SRGAP1: variants seen among roughly 807,000 people sequenced by gnomAD.
The protein encoded by SRGAP1 is SLIT-ROBO Rho GTPase-activating protein 1.
In SRGAP1, 43 loss-of-function variants were observed where a neutral mutation model predicts 121.9. The observed-to-expected ratio is 0.35, with a 90% CI of 0.28 to 0.46. The LOEUF (loss-of-function observed/expected upper bound fraction) is 0.46. Ranked by LOEUF, SRGAP1 falls within the 20% of genes least tolerant of loss-of-function variation. SRGAP1 has a pLI of 1.00. For synonymous variants in SRGAP1, 447 were observed against 485.4 expected, an observed-to-expected ratio of 0.92 and a Z score of 1.04; for missense variants, 1,102 against 1,350.9, an observed-to-expected ratio of 0.82 and a Z score of 2.89.
At chr12:64,032,448 G>A (rs1354852771) in intron 4 of SRGAP1, 3 of 733,820 alleles carry the variant, frequency 4.1e-6, no homozygotes, top group Non-Finnish European at 7.3e-6. Context: ...TCCTGAGTTT[G>A]CCCCACCATT....
chr12:63,944,364 A>G (rs971603385), intron 1 of SRGAP1, among the ~76,000 whole-genome samples: 4 of 152,140 alleles, frequency 2.6e-5, no homozygotes, highest in Admixed American at 1.3e-4. Context: ...AGGCAGATTC[A>G]ATGTCTACTA....
intron 1 of SRGAP1, among the ~76,000 whole-genome samples, chr12:63,913,454 C>CATATATATATATATATATATATATAT (rs570506869): frequency 5.6e-5 from 7 of 124,094 alleles, no homozygotes; most frequent in South Asian, 2.8e-4. Flanking sequence ...ACTGTGTCCA[C>CATATATATATATATATATATATATAT]ATATATATAT....
chr12:64,050,027 G>A (rs1325312744), intron 6 of SRGAP1, among the ~76,000 whole-genome samples: 1 of 152,082 alleles, frequency 6.6e-6, no homozygotes, highest in Non-Finnish European at 1.5e-5. Flanking sequence ...CCATGAACAT[G>A]GAATATCTTT....
chr12:63,951,650 TAAAGAG>T (rs2032301482), intron 1 of SRGAP1, among the ~76,000 whole-genome samples: 1 of 152,202 alleles, frequency 6.6e-6, no homozygotes. Flanking sequence ...AGATTAAACT[TAAAGAG>T]AAGGCTTCTT....
At chr12:64,046,654 G>T (rs188890357) in intron 6 of SRGAP1, among the ~76,000 whole-genome samples, 1 of 152,122 alleles carries the variant, frequency 6.6e-6, no homozygotes, top group Non-Finnish European at 1.5e-5. Flanking sequence ...GGCCCCAGGG[G>T]AGAAGCAGGC....
chr12:64,123,643 GATTTATTTATTT>G (rs140354888), intron 18 of SRGAP1, among the ~76,000 whole-genome samples: 221 of 141,262 alleles, frequency 1.6e-3, no homozygotes, highest in African/African-American at 3.7e-3. Flanking sequence ...ATTGCTAAAG[GATTTATTTATTT>G]ATTTATTTAT....
chr12:63,954,404 C>T (rs756366912), intron 1 of SRGAP1, among the ~76,000 whole-genome samples: 4 of 152,106 alleles, frequency 2.6e-5, no homozygotes, highest in Admixed American at 6.6e-5. Flanking sequence ...AAGCACTGGG[C>T]GCCATGGCTC....
At chr12:64,118,629 T>C (rs12423995) in intron 18 of SRGAP1, among the ~76,000 whole-genome samples, 5,783 of 152,244 alleles carry the variant, frequency 0.038, 151 homozygotes, top group Non-Finnish European at 0.059. Flanking sequence ...TATGTGGTTT[T>C]GATTTGCATT....
chr12:64,029,064 A>G (rs1398072478), intron 4 of SRGAP1, among the ~76,000 whole-genome samples: 2 of 152,200 alleles, frequency 1.3e-5, no homozygotes, highest in Non-Finnish European at 2.9e-5. Context: ...CTAGTATTTG[A>G]ACCCAAGCAT....
Position 64,142,790 on chromosome 12 carries a change from CT to C in SRGAP1, c.*122del, listed in dbSNP as rs2036988000. The C allele has an allele frequency of 2.2e-6, 3 of 1,384,462 alleles. No homozygotes were observed. Among genetic ancestry groups the C allele is most frequent in the East Asian group, 2.4e-5 (1 of 41,900 alleles). The allele number at this position is 1,384,462 out of a possible 1,614,324, so 85.8% of individuals were successfully genotyped here. A position where few individuals can be genotyped will look rare whatever the true frequency, so the allele number is the denominator to read the frequency against. On this transcript the variant is annotated 3_prime_UTR_variant, in exon 22 of 22. Transcript: ENST00000355086. ...GTGCTTATAACTGGAGATCTTTTGG[CT>C]TTTCTATGTTGTCGAATGTAATGTC...
At chr12:63,963,948 GT>G (rs2032714523) in intron 1 of SRGAP1, among the ~76,000 whole-genome samples, 1 of 152,152 alleles carries the variant, frequency 6.6e-6, no homozygotes, top group Admixed American at 6.5e-5. Flanking sequence ...TCAGAGTAAG[GT>G]TGTTTTATTT....
chr12:63,873,713 G>C (rs1899934474), intron 1 of SRGAP1, among the ~76,000 whole-genome samples: 1 of 151,734 alleles, frequency 6.6e-6, no homozygotes, highest in Non-Finnish European at 1.5e-5. Flanking sequence ...CTGTTGCCCA[G>C]GCTGGAGTAC....
At chr12:63,983,839 TA>T (rs2033337965) in intron 1 of SRGAP1, 107 bp from the exon 2 acceptor site, 14 of 107,956 alleles carry the variant, frequency 1.3e-4, no homozygotes, top group East Asian at 2.5e-4. Context: ...TATATATATA[TA>T]TATATATATA....
At chr12:63,857,368 C>T (rs1899289268) in intron 1 of SRGAP1, among the ~76,000 whole-genome samples, 1 of 149,760 alleles carries the variant, frequency 6.7e-6, no homozygotes, top group Non-Finnish European at 1.5e-5. Context: ...TGTGAGCCAC[C>T]ACACCTGGTC....
intron 2 of SRGAP1, among the ~76,000 whole-genome samples, chr12:63,987,801 T>C (rs1404774797): frequency 6.6e-6 from 1 of 152,220 alleles, no homozygotes; most frequent in Admixed American, 6.5e-5. Context: ...GTAGAGTTGA[T>C]GTCTGTAAAA....
intron 3 of SRGAP1, among the ~76,000 whole-genome samples, chr12:64,014,401 C>T (rs747087339): frequency 1.3e-5 from 2 of 152,260 alleles, no homozygotes; most frequent in Non-Finnish European, 2.9e-5. Context: ...AAATATGGAA[C>T]ATACTATGAC....
intron 1 of SRGAP1, among the ~76,000 whole-genome samples, chr12:63,851,189 G>A (rs1391072211): frequency 6.6e-6 from 1 of 152,124 alleles, no homozygotes; most frequent in Admixed American, 6.5e-5. Context: ...AGACAGTTAT[G>A]TAAAGGTAAT....
intron 1 of SRGAP1, among the ~76,000 whole-genome samples, chr12:63,869,884 AAG>A (rs1227402044): frequency 6.6e-6 from 1 of 152,148 alleles, no homozygotes; most frequent in Non-Finnish European, 1.5e-5. Flanking sequence ...GTTCTTTTTT[AAG>A]AGAGGTCATA....
chr12:63,995,673 C>T (rs1246433455), intron 3 of SRGAP1, among the ~76,000 whole-genome samples: 1 of 152,078 alleles, frequency 6.6e-6, no homozygotes, highest in African/African-American at 2.4e-5. Flanking sequence ...CAGAAACTGG[C>T]CCAAAGCCAG....
Sources: gnomAD v4.1 joint callset for allele counts (sites outside exome capture counted in the v4.1 genomes callset) on GRCh38, gnomAD v4.1.1 for gene constraint, MANE v1.5 for transcripts, NCBI Gene and HGNC (gene_info 2026-07-23, HGNC 2026-07-21) for gene names.